The following GNA12 variants were observed in gnomAD, a reference collection of about 807,000 sequenced individuals.
The protein encoded by GNA12 is guanine nucleotide-binding protein subunit alpha-12.
Under a neutral mutation model 26.0 loss-of-function variants are expected in GNA12, and 9 were observed. The ratio of observed to expected loss-of-function variants is 0.35; its 90% CI spans 0.21 to 0.60. The LOEUF (loss-of-function observed/expected upper bound fraction) is 0.60. Among genes scored for constraint, GNA12 ranks in the 20% least tolerant of loss-of-function variants. GNA12 has a pLI of 0.78. For missense variants in GNA12, 405 were observed against 525.8 expected (o/e 0.77, Z 2.25); for synonymous variants, 264 against 219.6 (o/e 1.20, Z -1.79).
At chr7:2,740,974 G>C (rs968093941) in intron 2 of GNA12, among the ~76,000 whole-genome samples, 1 of 152,226 alleles carries the variant, frequency 6.6e-6, no homozygotes, top group East Asian at 1.9e-4. Flanking sequence ...GAACCCGGGA[G>C]GCAGAGCTTG....
chr7:2,841,510 G>A (rs905268598), intron 1 of GNA12, among the ~76,000 whole-genome samples: 2 of 152,212 alleles, frequency 1.3e-5, no homozygotes, highest in African/African-American at 4.8e-5. Flanking sequence ...CGCTCCCAGT[G>A]AGCTAAGCTG....
chr7:2,843,889 C>G lies in GNA12; in HGVS notation c.273G>C (p.Leu91=). ...TGTCGAAGATGGTGTCGCGGAACTCCAGCAGCGCCTTCTGGTCGAACTCGC... is the reference window on the plus strand; with the variant it reads ...TGTCGAAGATGGTGTCGCGGAACTCGAGCAGCGCCTTCTGGTCGAACTCGC... ...HGREFDQKAL[L]EFRDTIFDNI... The change falls in exon 1 of 4, where the codon CTG becomes CTC. Residue 91 remains leucine (L), a synonymous_variant. Transcript: ENST00000275364. The G allele has an allele frequency of 6.4e-7, 1 of 1,570,240 alleles. No individual in the cohort carries two copies. Among genetic ancestry groups the G allele is most frequent in the Non-Finnish European group, 8.6e-7 (1 of 1,159,508 alleles).
chr7:2,791,488 C>G (rs779785994), intron 2 of GNA12, among the ~76,000 whole-genome samples: 9 of 152,184 alleles, frequency 5.9e-5, no homozygotes, highest in Non-Finnish European at 1.2e-4. Flanking sequence ...TTTTTTCCTC[C>G]TCTTTTTGTT....
chr7:2,840,320 G>A (rs1035219666), intron 1 of GNA12, among the ~76,000 whole-genome samples: 1 of 152,198 alleles, frequency 6.6e-6, no homozygotes, highest in Non-Finnish European at 1.5e-5. Context: ...TTAGGTAGCT[G>A]ACTTTGAACA....
Position 2,731,002 on chromosome 7 carries a change from T to A in GNA12, c.*179A>T. On this transcript the variant is annotated 3_prime_UTR_variant, in exon 4 of 4. Coordinates refer to ENST00000275364, the MANE Select transcript of GNA12 (RefSeq NM_007353.3). The surrounding 1 kb of genome is among the most constrained non-coding windows in gnomAD (Gnocchi z 6.0). ...GGATTCAGTAGCTAACGTGACAGTT[T>A]CCATGTCCTTTTGCCTAGAGCTCGC... 1.8e-6 allele frequency: 1 copy of A among 543,834 alleles called. No individual in the cohort carries two copies. The highest frequency in any genetic ancestry group is 3.1e-5 in the Admixed American group (1 of 32,742). 33.7% of individuals were successfully genotyped at this position (543,834 alleles called of 1,614,324 possible). A position where few individuals can be genotyped will look rare whatever the true frequency, so the allele number is the denominator to read the frequency against.
At position 2,730,515 on chromosome 7, in the gene GNA12, G is replaced by A. The variant is rs1204958923; in HGVS notation, c.*666C>T. The stretch of plus-strand genomic sequence containing the variant: ...CAGAGCTCTGCAGCCCGTCCTCAGA[G>A]CTGGGAAGGGATCCTAGGCACGGCT... On this transcript the variant is annotated 3_prime_UTR_variant, in exon 4 of 4. Coordinates refer to ENST00000275364, the MANE Select transcript of GNA12 (RefSeq NM_007353.3). 6.6e-6 allele frequency: 1 copy of A among 152,468 alleles called. No homozygotes were observed. The highest frequency in any genetic ancestry group is 1.5e-5 in the Non-Finnish European group (1 of 68,128). The allele number at this position is 152,468 out of a possible 1,614,324, so 9.4% of individuals were successfully genotyped here.
At chr7:2,758,219 A>G (rs958532094) in intron 2 of GNA12, among the ~76,000 whole-genome samples, 1 of 152,320 alleles carries the variant, frequency 6.6e-6, no homozygotes, top group Non-Finnish European at 1.5e-5. Flanking sequence ...GAAAACTCAG[A>G]GCTTTTAAGA....
At chr7:2,762,690 T>G (rs1302643903) in intron 2 of GNA12, 1 of 1,581,132 alleles carries the variant, frequency 6.3e-7, no homozygotes, top group African/African-American at 1.3e-5. Context: ...GAAACCACGC[T>G]GCCCGGGTGG....
At position 2,731,155 on chromosome 7, in the gene GNA12, G is replaced by T. The variant is rs372899470; in HGVS notation, c.*26C>A. The T allele has an allele frequency of 3.9e-6, 6 of 1,541,902 alleles. No homozygotes were observed. The highest frequency in any genetic ancestry group is 1.4e-5 in the African/African-American group (1 of 73,592). The stretch of plus-strand genomic sequence containing the variant: ...CCGACAGCCGTGGGGGCTGCTCAAC[G>T]ACGACAAACCCCGGGGCTTCCTCGC... On this transcript the variant is annotated 3_prime_UTR_variant, in exon 4 of 4. Coordinates refer to ENST00000275364, the MANE Select transcript of GNA12 (RefSeq NM_007353.3). This position sits in a 1 kb window ranked among gnomAD's most constrained non-coding sequence, Gnocchi z 6.0.
At chr7:2,842,110 G>GGAAGAAAAGGAA (rs1554264371) in intron 1 of GNA12, among the ~76,000 whole-genome samples, 1 of 145,362 alleles carries the variant, frequency 6.9e-6, no homozygotes, top group South Asian at 2.2e-4. Context: ...AAGGAAGGAA[G>GGAAGAAAAGGAA]GGAAGGGAGG....
At chr7:2,828,794 G>A (rs1027909240) in intron 1 of GNA12, among the ~76,000 whole-genome samples, 28 of 152,176 alleles carry the variant, frequency 1.8e-4, no homozygotes, top group African/African-American at 6.3e-4. Flanking sequence ...GGTGGCTCAC[G>A]CCTGTAATCC....
intron 2 of GNA12, among the ~76,000 whole-genome samples, chr7:2,767,981 T>G (rs1394970384): frequency 6.6e-6 from 1 of 152,178 alleles, no homozygotes; most frequent in Admixed American, 6.5e-5. Context: ...CAGCCTCTTG[T>G]GTAGCTGGGA....
At chr7:2,750,417 G>C (rs1448010513) in intron 2 of GNA12, among the ~76,000 whole-genome samples, 1 of 152,146 alleles carries the variant, frequency 6.6e-6, no homozygotes, top group Non-Finnish European at 1.5e-5. Flanking sequence ...TTATCCTCAG[G>C]GGACACATGC....
intron 2 of GNA12, among the ~76,000 whole-genome samples, chr7:2,771,265 TG>T (rs1791941846): frequency 1.3e-5 from 2 of 152,052 alleles, no homozygotes; most frequent in Non-Finnish European, 2.9e-5. Flanking sequence ...TACTTCAGCC[TG>T]GGCGACAGAG....
chr7:2,768,691 A>AACAC (rs1554258743), intron 2 of GNA12, among the ~76,000 whole-genome samples: 48 of 142,670 alleles, frequency 3.4e-4, no homozygotes, highest in East Asian at 2.0e-3. Flanking sequence ...ACAAAACAAA[A>AACAC]AAAAAAACAG....
At chr7:2,794,096 A>G (rs938196429) in intron 2 of GNA12, among the ~76,000 whole-genome samples, 10 of 152,276 alleles carry the variant, frequency 6.6e-5, no homozygotes, top group African/African-American at 2.4e-4. Context: ...AAGCATATAT[A>G]CTATACACTA....
At chr7:2,737,269 GTTTTGTTTTTTTTTTTTTTGTTT>G (rs1790239913) in intron 2 of GNA12, among the ~76,000 whole-genome samples, 1 of 38,112 alleles carries the variant, frequency 2.6e-5, no homozygotes, top group Admixed American at 3.1e-4. Flanking sequence ...TCACAGTTTT[GTTTTGTTTTTTTTTTTTTTGTTT>G]TTTTTTTTTT....
rs774372084 is a variant in GNA12, at chr7:2,762,614, C to T, written c.526-29113G>A. 50 of 1,539,336 alleles carry T rather than the reference C, an allele frequency of 3.2e-5. No individual in the cohort carries two copies. In the South Asian group the frequency reaches 5.1e-4, roughly 16 times the overall value. On this transcript the variant is annotated intron_variant, in intron 2 of 3. Coordinates refer to ENST00000275364, the MANE Select transcript of GNA12 (RefSeq NM_007353.3). ...AACCCAAAAAAGGACAATCCCCTTC[C>T]GGATAAGACCCCAATGCCATGAAGC...
At chr7:2,740,870 C>G (rs371884822) in intron 2 of GNA12, among the ~76,000 whole-genome samples, 2 of 152,188 alleles carry the variant, frequency 1.3e-5, no homozygotes, top group East Asian at 1.9e-4. Flanking sequence ...TGGTGAAACC[C>G]TGCCTCTACT....
Sources: gnomAD v4.1 joint callset for allele counts (sites outside exome capture counted in the v4.1 genomes callset) on GRCh38, gnomAD v4.1.1 for gene constraint, Gnocchi (gnomAD v3.1) non-coding constraint, MANE v1.5 for transcripts, NCBI Gene and HGNC (gene_info 2026-07-23, HGNC 2026-07-21) for gene names.